PROM1: variants seen among roughly 807,000 people sequenced by gnomAD.
PROM1 encodes prominin-1.
In PROM1, 105 loss-of-function variants were observed where a neutral mutation model predicts 116.9. That is an observed-to-expected ratio of 0.90 (90% confidence interval 0.77 to 1.06). The LOEUF (loss-of-function observed/expected upper bound fraction) is 1.06. Among genes scored for constraint, PROM1 ranks in the 50% least tolerant of loss-of-function variants. The pLI is 0.00. For synonymous variants in PROM1, 393 were observed against 387.0 expected (o/e 1.02, Z -0.18); for missense variants, 1,122 against 1,045.2 (o/e 1.07, Z -1.01).
intron 15 of PROM1, among the ~76,000 whole-genome samples, chr4:15,994,497 CCAGGG>C (rs1721834416): frequency 6.6e-6 from 1 of 152,100 alleles, no homozygotes; most frequent in Non-Finnish European, 1.5e-5. Context: ...CTCTGTATTT[CCAGGG>C]CCGAGCGGCA....
intron 26 of PROM1, among the ~76,000 whole-genome samples, chr4:15,974,651 T>C (rs1430364186): frequency 6.6e-6 from 1 of 152,230 alleles, no homozygotes; most frequent in African/African-American, 2.4e-5. Context: ...TTTTTTCATT[T>C]ATAAACACAG....
At chr4:16,025,350 G>C (rs764940154) in intron 5 of PROM1, 38 bp from the exon 6 acceptor site, 13 of 1,610,634 alleles carry the variant, frequency 8.1e-6, no homozygotes, top group Non-Finnish European at 1.0e-5. Context: ...AGCATTTACT[G>C]TGTGGTCCAT....
At chr4:16,059,522 G>A (rs763993245) in intron 2 of PROM1, among the ~76,000 whole-genome samples, 53 of 152,236 alleles carry the variant, frequency 3.5e-4, no homozygotes, top group Admixed American at 7.2e-4. Flanking sequence ...TGGGCAACAT[G>A]GGGAGATCCT....
In PROM1 at chr4:16,026,981, T is replaced by A. The variant is rs144649214; in HGVS notation, c.510-1669A>T. 3.9e-3 allele frequency among the ~76,000 whole-genome samples: 599 copies of A among 152,290 alleles called. 7 individuals are homozygous for A. The highest frequency in any genetic ancestry group is 0.014 in the African/African-American group (579 of 41,546). On this transcript the variant is annotated intron_variant, in intron 5 of 27. Coordinates refer to ENST00000447510, the MANE Select transcript of PROM1 (RefSeq NM_006017.3). ...CAAACTGAAAAGATCAGTTTAGATC[T>A]TTAGGTGTAATTAGATAAATTAGAT... is the stretch of plus-strand genomic sequence containing the variant.
chr4:15,995,511 G>A (rs1316518164), intron 15 of PROM1, among the ~76,000 whole-genome samples: 2 of 152,126 alleles, frequency 1.3e-5, no homozygotes, highest in Non-Finnish European at 2.9e-5. Context: ...TTGTCTCAGG[G>A]CTCCAGAAGC....
At chr4:16,031,263 A>T (rs1286899498) in intron 5 of PROM1, among the ~76,000 whole-genome samples, 1 of 152,132 alleles carries the variant, frequency 6.6e-6, no homozygotes, top group African/African-American at 2.4e-5. Context: ...TCCGAGTCTC[A>T]TCTTTGAGGT....
chr4:16,023,299 CTTTGGTCATT>C lies in PROM1; in HGVS notation c.784+17_784+26del, dbSNP rs1730380653. On this transcript the variant is annotated intron_variant, in intron 8 of 27. Transcript: ENST00000447510. ...CCCAGGGACTCCTGGATGGAACTTTCTTTGGTCATTTTTGCCCACTGCTTACCTGTTGCCA... is the reference window on the plus strand; with the variant it reads ...CCCAGGGACTCCTGGATGGAACTTTCTTTGCCCACTGCTTACCTGTTGCCA... 6.5e-7 allele frequency: 1 copy of C among 1,536,042 alleles called. No individual in the cohort carries two copies. The highest frequency in any genetic ancestry group is 8.9e-7 in the Non-Finnish European group (1 of 1,121,150).
chr4:16,046,208 G>C (rs1736514910), intron 2 of PROM1, among the ~76,000 whole-genome samples: 1 of 152,188 alleles, frequency 6.6e-6, no homozygotes, highest in Admixed American at 6.5e-5. Flanking sequence ...TTTAACTCAA[G>C]AGGCAGAGCC....
rs1033920857 is a variant in PROM1, at chr4:15,984,309, T to A, written c.2327A>T (p.Asp776Val). Residue 776 changes from aspartate to valine, a missense_variant, in exon 23 of 28, where the codon GAT becomes GTT. By Grantham distance (152) the Asp-to-Val change is radical. Coordinates refer to ENST00000447510, the MANE Select transcript of PROM1 (RefSeq NM_006017.3). ...ACACAGAAAGACATCAACAGCAGTA[T>A]CTAGAGCGGTGGCCACAGGTTTGCA... is the stretch of plus-strand genomic sequence containing the variant. ...ASCKPVATAL[D>V]TAVDVFLCSY... The A allele has an allele frequency of 2.2e-5, 35 of 1,608,986 alleles. No individual in the cohort carries two copies. The highest frequency in any genetic ancestry group is 2.9e-5 in the Non-Finnish European group (34 of 1,177,392).
chr4:16,041,413 C>T (rs896774976), intron 2 of PROM1, among the ~76,000 whole-genome samples: 2 of 152,100 alleles, frequency 1.3e-5, no homozygotes, highest in Non-Finnish European at 2.9e-5. Flanking sequence ...GTGCAAAAAG[C>T]ATTTGTGCAA....
At chr4:15,980,605 G>GT in intron 23 of PROM1, 68 bp from the exon 24 acceptor site, 14 of 745,202 alleles carry the variant, frequency 1.9e-5, no homozygotes, top group African/African-American at 3.6e-5. Flanking sequence ...TTGTTTGGGG[G>GT]ATTTTTTTTT....
At chr4:16,017,482 G>A (rs1728680989) in intron 9 of PROM1, among the ~76,000 whole-genome samples, 1 of 152,194 alleles carries the variant, frequency 6.6e-6, no homozygotes, top group Non-Finnish European at 1.5e-5. Context: ...GGAATGAAAT[G>A]TAAAAGTAAG....
At chr4:15,984,144 C>T (rs541387219) in intron 23 of PROM1, 119 bp downstream of exon 23, 16 of 851,930 alleles carry the variant, frequency 1.9e-5, no homozygotes, top group Non-Finnish European at 2.9e-5. Flanking sequence ...CAAAATATTA[C>T]ATTTTAGGTT....
chr4:16,001,538 G>C (rs1723846837), intron 13 of PROM1, among the ~76,000 whole-genome samples: 1 of 152,152 alleles, frequency 6.6e-6, no homozygotes, highest in African/African-American at 2.4e-5. Flanking sequence ...TGATGAGGCA[G>C]AGAAGTAGGA....
At chr4:16,049,552 G>T (rs1737364471) in intron 2 of PROM1, among the ~76,000 whole-genome samples, 1 of 152,044 alleles carries the variant, frequency 6.6e-6, no homozygotes, top group Non-Finnish European at 1.5e-5. Context: ...ACAAAACAAA[G>T]TTAAAAATGC....
chr4:16,081,371 A>C (rs1431287926), intron 1 of PROM1, among the ~76,000 whole-genome samples: 1 of 152,180 alleles, frequency 6.6e-6, no homozygotes, highest in Non-Finnish European at 1.5e-5. Context: ...TACAAAAATT[A>C]ATTCAAGATG....
chr4:16,056,308 C>T (rs1297117896), intron 2 of PROM1, among the ~76,000 whole-genome samples: 1 of 152,068 alleles, frequency 6.6e-6, no homozygotes, highest in Non-Finnish European at 1.5e-5. Flanking sequence ...GCAAGAGGAT[C>T]TTTATAACGC....
At chr4:16,080,568 ATTTCTTCT>A (rs1375823568) in intron 1 of PROM1, 2 of 152,034 alleles carry the variant, frequency 1.3e-5, no homozygotes, top group East Asian at 3.8e-4. Flanking sequence ...AATCACCTTC[ATTTCTTCT>A]TTTCTTCTTT....
chr4:16,036,601 TAAAG>T (rs1198303120), intron 3 of PROM1, among the ~76,000 whole-genome samples: 2 of 152,164 alleles, frequency 1.3e-5, no homozygotes, highest in African/African-American at 4.8e-5. Context: ...CAGTGTGTGT[TAAAG>T]AAAAACATTG....
Sources: gnomAD v4.1 joint callset for allele counts (sites outside exome capture counted in the v4.1 genomes callset) on GRCh38, gnomAD v4.1.1 for gene constraint, MANE v1.5 for transcripts, NCBI Gene and HGNC (gene_info 2026-07-23, HGNC 2026-07-21) for gene names.